Variants in PDGFC observed in about 807,000 individuals in gnomAD.
The protein encoded by PDGFC is platelet-derived growth factor C.
A neutral mutation model predicts 35.5 loss-of-function variants in PDGFC; 12 were observed. That is an observed-to-expected ratio of 0.34 (90% CI 0.22 to 0.55). PDGFC has a LOEUF of 0.55. Ranked by LOEUF, PDGFC falls within the 20% of genes least tolerant of loss-of-function variation. The pLI, the probability that PDGFC is intolerant of heterozygous loss-of-function variation, is 0.91. For missense variants in PDGFC, 322 were observed against 412.4 expected, an observed-to-expected ratio of 0.78 and a Z score of 1.90; for synonymous variants, 159 against 148.8, an observed-to-expected ratio of 1.07 and a Z score of -0.50.
chr4:156,787,661 A>AAGG (rs1368197332), intron 3 of PDGFC, among the ~76,000 whole-genome samples: 1 of 151,902 alleles, frequency 6.6e-6, no homozygotes, highest in Admixed American at 6.6e-5. Context: ...AAAAAAGAAG[A>AAGG]AGGAGGAGGA....
intron 1 of PDGFC, among the ~76,000 whole-genome samples, chr4:156,962,040 G>A (rs1732355823): frequency 6.6e-6 from 1 of 152,086 alleles, no homozygotes; most frequent in Non-Finnish European, 1.5e-5. Flanking sequence ...GTCACTGCCT[G>A]CCTGCTGAGA....
intron 3 of PDGFC, among the ~76,000 whole-genome samples, chr4:156,786,962 G>A (rs1417698167): frequency 1.3e-5 from 2 of 152,130 alleles, no homozygotes; most frequent in African/African-American, 2.4e-5. Flanking sequence ...CTTAGAAGTA[G>A]TTTCAATAAT....
intron 1 of PDGFC, among the ~76,000 whole-genome samples, chr4:156,885,528 T>C (rs796538700): frequency 2.5e-4 from 38 of 152,352 alleles, no homozygotes; most frequent in African/African-American, 8.9e-4. Context: ...TATAACAATA[T>C]AAACTTCAGC....
intron 1 of PDGFC, among the ~76,000 whole-genome samples, chr4:156,932,377 C>A (rs1329203531): frequency 6.6e-6 from 1 of 152,016 alleles, no homozygotes; most frequent in Non-Finnish European, 1.5e-5. Context: ...ACCATTTGAC[C>A]CAGCCATCCC....
rs557537410 is a variant in PDGFC, at chr4:156,947,834, CAGCCTTAGGG to C, written c.118+22942_118+22951del. 5.9e-5 allele frequency among the ~76,000 whole-genome samples: 9 copies of C among 152,054 alleles called. No homozygotes were observed. The East Asian group carries it at 1.8e-3, about 30-fold the overall frequency. ...ATATACTGTGGAGAGTGTGAATGTG[CAGCCTTAGGG>C]TAAAAGCAAAGTAGCAATAAAATCA... is the stretch of plus-strand genomic sequence containing the variant. On this transcript the variant is annotated intron_variant, in intron 1 of 5. Coordinates refer to ENST00000502773, the MANE Select transcript of PDGFC (RefSeq NM_016205.3).
intron 1 of PDGFC, among the ~76,000 whole-genome samples, chr4:156,947,070 TAAAG>T (rs1442161279): frequency 6.6e-6 from 1 of 151,834 alleles, no homozygotes; most frequent in African/African-American, 2.4e-5. Flanking sequence ...TCAAATGACA[TAAAG>T]AAGGGAGGTC....
chr4:156,889,760 T>C (rs1730459684), intron 1 of PDGFC, among the ~76,000 whole-genome samples: 1 of 152,194 alleles, frequency 6.6e-6, no homozygotes, highest in South Asian at 2.1e-4. Context: ...TTTTCTAATC[T>C]TGTCGGTTGC....
chr4:156,925,998 A>G (rs1237578426), intron 1 of PDGFC, among the ~76,000 whole-genome samples: 2 of 141,156 alleles, frequency 1.4e-5, no homozygotes, highest in Admixed American at 7.6e-5. Flanking sequence ...GGCAGCAGAG[A>G]GCCATGATCA....
Position 156,850,178 on chromosome 4 carries a change from T to G in PDGFC, c.314+43A>C. On this transcript the variant is annotated intron_variant, in intron 2 of 5. Transcript: ENST00000502773. ...AAAATTAAGCAATTTGAAAGACTTTTAACAGTTGTTACATTGTTGGGATTT... is the reference window on the plus strand; with the variant it reads ...AAAATTAAGCAATTTGAAAGACTTTGAACAGTTGTTACATTGTTGGGATTT... The G allele has an allele frequency of 3.9e-6, 4 of 1,019,930 alleles. 1 individual carries two copies. The highest frequency in any genetic ancestry group is 5.5e-6 in the Non-Finnish European group (4 of 721,858). The allele number at this position is 1,019,930 out of a possible 1,614,324, so 63.2% of individuals were successfully genotyped here.
At chr4:156,766,673 A>G (rs774225461) in intron 5 of PDGFC, among the ~76,000 whole-genome samples, 39 of 152,140 alleles carry the variant, frequency 2.6e-4, no homozygotes, top group Non-Finnish European at 4.9e-4. Flanking sequence ...AAATAAAATG[A>G]CTTTTCATAT....
At chr4:156,790,778 A>T (rs1240286309) in intron 3 of PDGFC, among the ~76,000 whole-genome samples, 1 of 152,240 alleles carries the variant, frequency 6.6e-6, no homozygotes, top group Non-Finnish European at 1.5e-5. Context: ...ATTCTGTAAC[A>T]TGAAAGGCAC....
intron 3 of PDGFC, among the ~76,000 whole-genome samples, chr4:156,783,410 AG>A (rs1731034154): frequency 6.6e-6 from 1 of 152,084 alleles, no homozygotes; most frequent in Admixed American, 6.5e-5. Context: ...GGTTGGGAGA[AG>A]GGGGTGTGCA....
chr4:156,960,828 A>C (rs555299630), intron 1 of PDGFC, among the ~76,000 whole-genome samples: 1 of 152,224 alleles, frequency 6.6e-6, no homozygotes, highest in South Asian at 2.1e-4. Flanking sequence ...AAGGCAAATC[A>C]CACTCTAGTA....
intron 1 of PDGFC, among the ~76,000 whole-genome samples, chr4:156,854,493 A>C (rs2111094615): frequency 6.6e-6 from 1 of 152,284 alleles, no homozygotes; most frequent in East Asian, 1.9e-4. Flanking sequence ...TTTTCTTTTA[A>C]GTTAAATTAC....
intron 1 of PDGFC, 77 bp from the exon 2 acceptor site, chr4:156,850,493 C>A: frequency 2.7e-6 from 2 of 729,500 alleles, no homozygotes; most frequent in Non-Finnish European, 4.4e-6. Context: ...GTTTATTATT[C>A]ACACTTTACC....
chr4:156,819,930 G>A (rs748893655), intron 2 of PDGFC, among the ~76,000 whole-genome samples: 1 of 152,140 alleles, frequency 6.6e-6, no homozygotes, highest in Admixed American at 6.5e-5. Context: ...CAGGAGTTTG[G>A]AAGAAACTGG....
intron 1 of PDGFC, among the ~76,000 whole-genome samples, chr4:156,876,112 C>A (rs1730111031): frequency 6.6e-6 from 1 of 152,094 alleles, no homozygotes; most frequent in South Asian, 2.1e-4. Flanking sequence ...TGAAAAACCA[C>A]AAACAAAACA....
chr4:156,892,195 T>C lies in PDGFC; in HGVS notation c.119-41779A>G, dbSNP rs72976516. On this transcript the variant is annotated intron_variant, in intron 1 of 5. Transcript: ENST00000502773. ...TACCTCATAAAACAAATAAAAAGTA[T>C]AAATAAAGCACCAGTAAATGCTGGG... Among the ~76,000 whole-genome samples, 1,398 of 152,272 alleles carry C rather than the reference T, an allele frequency of 9.2e-3. 21 individuals carry two copies. The highest frequency in any genetic ancestry group is 0.032 in the African/African-American group (1,310 of 41,540).
At chr4:156,857,679 A>C (rs554549258) in intron 1 of PDGFC, among the ~76,000 whole-genome samples, 1 of 152,118 alleles carries the variant, frequency 6.6e-6, no homozygotes, top group Admixed American at 6.6e-5. Flanking sequence ...CACTGAATAA[A>C]GGTCGAACTG....
Sources: allele counts gnomAD v4.1 joint callset (sites outside exome capture counted in the v4.1 genomes callset), GRCh38; gene constraint gnomAD v4.1.1; transcripts MANE v1.5; gene names NCBI Gene and HGNC (gene_info 2026-07-23, HGNC 2026-07-21).